CCDC88C: variants seen among roughly 807,000 people sequenced by gnomAD.
CCDC88C encodes the protein coiled-coil and HOOK domain protein 88C, also known as protein Daple.
A neutral mutation model predicts 198.8 loss-of-function variants in CCDC88C; 131 were observed. The observed-to-expected ratio is 0.66, with a 90% CI of 0.57 to 0.76. The LOEUF is 0.76. Ranked by LOEUF, CCDC88C falls within the 30% of genes least tolerant of loss-of-function variation. The pLI is 0.00. For synonymous variants in CCDC88C, 1,166 were observed against 1,114.7 expected (o/e 1.05, Z -0.92); for missense variants, 2,553 against 2,631.6 (o/e 0.97, Z 0.65).
chr14:91,324,282 A>C (rs1482973960), intron 12 of CCDC88C, among the ~76,000 whole-genome samples: 1 of 152,230 alleles, frequency 6.6e-6, no homozygotes, highest in African/African-American at 2.4e-5. Context: ...AGAGGCGCTA[A>C]GAACCTGGGT....
At chr14:91,331,886 T>C (rs1251584633) in intron 10 of CCDC88C, among the ~76,000 whole-genome samples, 3 of 152,116 alleles carry the variant, frequency 2.0e-5, no homozygotes, top group Non-Finnish European at 4.4e-5. Flanking sequence ...TCTCTGCCCC[T>C]GGGTATACAC....
intron 16 of CCDC88C, 114 bp from the exon 17 acceptor site, chr14:91,308,606 G>T: frequency 9.1e-7 from 1 of 1,102,822 alleles, no homozygotes; most frequent in Non-Finnish European, 1.3e-6. Context: ...CGGAGCTGCT[G>T]CAGCTTTTGG....
intron 3 of CCDC88C, among the ~76,000 whole-genome samples, chr14:91,395,654 G>A (rs534728310): frequency 1.7e-4 from 26 of 152,022 alleles, no homozygotes; most frequent in East Asian, 3.9e-4. Flanking sequence ...TCCCCCAGCC[G>A]AGAAGGCAAA....
At chr14:91,301,576 G>A (rs1489641495) in intron 20 of CCDC88C, among the ~76,000 whole-genome samples, 1 of 152,188 alleles carries the variant, frequency 6.6e-6, no homozygotes, top group Non-Finnish European at 1.5e-5. Flanking sequence ...AATTAGCCGG[G>A]TGTGGTGGTG....
At chr14:91,276,313 C>A (rs540266733) in intron 29 of CCDC88C, among the ~76,000 whole-genome samples, 2 of 152,244 alleles carry the variant, frequency 1.3e-5, no homozygotes, top group Admixed American at 6.5e-5. Context: ...AACATTAGAC[C>A]GCTAACTTCT....
chr14:91,273,421 G>C lies in CCDC88C; in HGVS notation c.5291C>G (p.Pro1764Arg). 6.4e-7 allele frequency: 1 copy of C among 1,569,518 alleles called. No individual in the cohort carries two copies. The highest frequency in any genetic ancestry group is 8.6e-7 in the Non-Finnish European group (1 of 1,156,216). Residue 1764 changes from proline to arginine, a missense_variant, in exon 30 of 30, where the codon CCC becomes CGC. Pro to Arg is a moderately radical substitution (Grantham distance 103, BLOSUM62 -2). This residue lies in a region of CCDC88C where 1,293 missense variants were observed against 1,219.6 expected (regional missense o/e 1.06). Transcript: ENST00000389857. This position sits in a 1 kb window ranked among gnomAD's most constrained non-coding sequence, Gnocchi z 5.6. ...CTGGGCCTGTCTCGGGGCCACGCTG[G>C]GTGGGGCCTCGGCCTCAGTCAGTCT... ...NFRLTEAEAPPSVAPRQAQPP... is the reference protein window; with the variant it reads ...NFRLTEAEAPRSVAPRQAQPP...
In CCDC88C at chr14:91,273,284, C is replaced by A; in HGVS notation, c.5428G>T (p.Ala1810Ser). The A allele has an allele frequency of 6.4e-7, 1 of 1,559,634 alleles. No individual in the cohort carries two copies. Among genetic ancestry groups the A allele is most frequent in the East Asian group, 2.4e-5 (1 of 41,900 alleles). Residue 1810 changes from alanine (A) to serine (S), a missense_variant, in exon 30 of 30, where the codon GCT (alanine) becomes TCT (serine). This residue lies in a region of CCDC88C where 1,293 missense variants were observed against 1,219.6 expected (regional missense o/e 1.06). Coordinates refer to ENST00000389857, the MANE Select transcript of CCDC88C (RefSeq NM_001080414.4). The surrounding 1 kb of genome is among the most constrained non-coding windows in gnomAD (Gnocchi z 5.6). ...GGCCCGCTGGCCCGGAGAAGGTCAG[C>A]TGAGGCCAGGCTGAAGGCCCGGCTC... ...SLSRAFSLAS[A>S]DLLRASGPEA...
At chr14:91,410,644 A>G (rs564612561) in intron 2 of CCDC88C, among the ~76,000 whole-genome samples, 1 of 152,362 alleles carries the variant, frequency 6.6e-6, no homozygotes, top group South Asian at 2.1e-4. Context: ...ATTTTTAGCT[A>G]CAGAAGTGTT....
chr14:91,272,680 G>A lies in CCDC88C; in HGVS notation c.6032C>T (p.Ser2011Phe). ...RGSVSKSSPASPEPGGDPQTV... is the reference protein window; with the variant it reads ...RGSVSKSSPAFPEPGGDPQTV... ...CTGCGGATCCCCGCCGGGCTCCGGG[G>A]AGGCCGGACTGCTCTTTGAGACGCT... Residue 2011 changes from serine (S) to phenylalanine (F), a missense_variant, in exon 30 of 30, where the codon TCC becomes TTC. Transcript: ENST00000389857. 1 of 1,611,744 alleles carries A rather than the reference G, an allele frequency of 6.2e-7. No individual in the cohort carries two copies.
In CCDC88C at chr14:91,338,422, AG is replaced by A. The variant is rs1040197958; in HGVS notation, c.891+66del. ...GCTGCTGTTGAGCTCCTGACCCTCC[AG>A]GCCCCGTTACTGGACACTCCAGCCC... On this transcript the variant is annotated intron_variant, in intron 9 of 29. Coordinates refer to ENST00000389857, the MANE Select transcript of CCDC88C (RefSeq NM_001080414.4). The surrounding 1 kb of genome is among the most constrained non-coding windows in gnomAD (Gnocchi z 4.8). The A allele has an allele frequency of 2.2e-6, 3 of 1,376,576 alleles. No individual in the cohort carries two copies. In the African/African-American group the frequency reaches 4.3e-5, roughly 20 times the overall value. The allele number at this position is 1,376,576 out of a possible 1,614,324, so 85.3% of individuals were successfully genotyped here. A position where few individuals can be genotyped will look rare whatever the true frequency, so the allele number is the denominator to read the frequency against.
chr14:91,408,463 C>G (rs1886623278), intron 3 of CCDC88C, 196 bp downstream of exon 3: 3 of 573,580 alleles, frequency 5.2e-6, no homozygotes, highest in Non-Finnish European at 9.5e-6. Context: ...GAACATTCAC[C>G]AAACAAAGGA....
At chr14:91,391,665 G>C (rs1885513623) in intron 3 of CCDC88C, among the ~76,000 whole-genome samples, 1 of 152,120 alleles carries the variant, frequency 6.6e-6, no homozygotes. Flanking sequence ...TGTAATCCCA[G>C]CTACTCGGGA....
intron 25 of CCDC88C, 65 bp downstream of exon 25, chr14:91,289,040 C>G: frequency 1.5e-6 from 2 of 1,355,604 alleles, no homozygotes. Flanking sequence ...TGCACAGCCA[C>G]CGGTGCGGGA....
intron 3 of CCDC88C, among the ~76,000 whole-genome samples, chr14:91,400,043 T>A (rs1482020457): frequency 1.3e-5 from 2 of 151,422 alleles, no homozygotes; most frequent in Non-Finnish European, 2.9e-5. Flanking sequence ...GGCAGACATT[T>A]CCCCCGAGAA....
chr14:91,300,117 T>A, intron 20 of CCDC88C, 47 bp from the exon 21 acceptor site: 1 of 1,583,520 alleles, frequency 6.3e-7, no homozygotes, highest in Non-Finnish European at 8.6e-7. Flanking sequence ...GGCCTTCTTT[T>A]CCGACAGGTA....
In CCDC88C at chr14:91,408,639, G is replaced by A. The variant is rs759318476; in HGVS notation, c.270+20C>T. On this transcript the variant is annotated intron_variant, in intron 3 of 29. Coordinates refer to ENST00000389857, the MANE Select transcript of CCDC88C (RefSeq NM_001080414.4). ...CTGATGGACACACATCAGAATTCCC[G>A]ACAGCAGAACTGCCCTTACCTGGTA... is the stretch of plus-strand genomic sequence containing the variant. 3.4e-6 allele frequency: 5 copies of A among 1,468,732 alleles called. No individual in the cohort carries two copies. Among genetic ancestry groups the A allele is most frequent in the African/African-American group, 1.4e-5 (1 of 71,856 alleles). 91.0% of individuals were successfully genotyped at this position (1,468,732 alleles called of 1,614,324 possible). A position where few individuals can be genotyped will look rare whatever the true frequency, so the allele number is the denominator to read the frequency against.
intron 3 of CCDC88C, among the ~76,000 whole-genome samples, chr14:91,360,692 C>T (rs1894269683): frequency 6.6e-6 from 1 of 152,208 alleles, no homozygotes; most frequent in African/African-American, 2.4e-5. Flanking sequence ...GGAGAGAAGG[C>T]CCAGGCATCA....
chr14:91,359,314 T>C (rs1054338563), intron 4 of CCDC88C, among the ~76,000 whole-genome samples: 6 of 152,074 alleles, frequency 3.9e-5, no homozygotes, highest in African/African-American at 1.4e-4. Context: ...ATTCTTTGTA[T>C]TTTTAGTAGA....
At chr14:91,401,130 G>A (rs1419711443) in intron 3 of CCDC88C, among the ~76,000 whole-genome samples, 2 of 149,022 alleles carry the variant, frequency 1.3e-5, no homozygotes, top group Non-Finnish European at 3.0e-5. Context: ...CACACACAAA[G>A]CAAGCACAAG....
Sources: allele counts gnomAD v4.1 joint callset (sites outside exome capture counted in the v4.1 genomes callset), GRCh38; gene constraint gnomAD v4.1.1; regional missense constraint gnomAD v4.1.1; non-coding constraint Gnocchi (gnomAD v3.1); transcripts MANE v1.5; gene names NCBI Gene and HGNC (gene_info 2026-07-23, HGNC 2026-07-21).